CUL9: variants seen among roughly 807,000 people sequenced by gnomAD.
CUL9 encodes the protein cullin 9, also known as cullin-9.
Under a neutral mutation model 272.6 loss-of-function variants are expected in CUL9, and 79 were observed. The observed-to-expected ratio is 0.29, with a 90% CI of 0.24 to 0.35. The LOEUF is 0.35. CUL9 is among the 10% of genes least tolerant of loss of function. CUL9 has a pLI of 1.00. For synonymous variants in CUL9, 1,186 were observed against 1,286.5 expected (o/e 0.92, Z 1.67); for missense variants, 2,532 against 3,255.6 (o/e 0.78, Z 5.41).
At chr6:43,222,478 G>A in intron 36 of CUL9, 53 bp from the exon 37 acceptor site, 2 of 1,598,562 alleles carry the variant, frequency 1.3e-6, no homozygotes, top group Non-Finnish European at 1.7e-6. Context: ...GTCTGACCGG[G>A]CAGGTGGTGC....
rs916290521 is a variant in CUL9 at position 43,182,212 on chromosome 6, C to A, written c.-47C>A. On this transcript the variant is annotated 5_prime_UTR_variant, in exon 1 of 41. Coordinates refer to ENST00000252050, the MANE Select transcript of CUL9 (RefSeq NM_015089.4). Reference sequence around the variant, plus strand: ...GCGGGGCCAGGACGGCGGGACCGGCCGCTGGGTCCCAGCGAGGGCTGAGCC... The same window carrying A: ...GCGGGGCCAGGACGGCGGGACCGGCAGCTGGGTCCCAGCGAGGGCTGAGCC... The A allele has an allele frequency of 6.6e-6, 1 of 152,384 alleles. No individual in the cohort carries two copies. Among genetic ancestry groups the A allele is most frequent in the Non-Finnish European group, 1.5e-5 (1 of 68,190 alleles). 9.4% of individuals were successfully genotyped at this position (152,384 alleles called of 1,614,324 possible).
intron 16 of CUL9, among the ~76,000 whole-genome samples, chr6:43,202,118 G>A (rs985744557): frequency 6.6e-6 from 1 of 152,202 alleles, no homozygotes; most frequent in African/African-American, 2.4e-5. Flanking sequence ...TTGGGTGAGG[G>A]AAGCCATGAG....
In CUL9 at chr6:43,186,505, G is replaced by A. The variant is rs781363516; in HGVS notation, c.1251+50G>A. On this transcript the variant is annotated intron_variant, in intron 4 of 40. Coordinates refer to ENST00000252050, the MANE Select transcript of CUL9 (RefSeq NM_015089.4). ...ACTGTTGGGAGTTTATTTGGGGTGG[G>A]GTGTAGCTGGGACTTCATAAGGAGG... 1.9e-6 allele frequency: 3 copies of A among 1,542,180 alleles called. No individual in the cohort carries two copies. In the South Asian group the frequency reaches 3.7e-5, roughly 19 times the overall value.
At chr6:43,207,510 G>A in intron 26 of CUL9, among the ~76,000 whole-genome samples, 1 of 152,184 alleles carries the variant, frequency 6.6e-6, no homozygotes, top group South Asian at 2.1e-4. Context: ...TTGTATGGAT[G>A]TATTTACCCT....
chr6:43,203,741 G>A lies in CUL9; in HGVS notation c.4026-113G>A. 1 of 1,518,032 alleles carries A rather than the reference G, an allele frequency of 6.6e-7. No individual in the cohort carries two copies. Among genetic ancestry groups the A allele is most frequent in the Non-Finnish European group, 8.9e-7 (1 of 1,127,514 alleles). The allele number at this position is 1,518,032 out of a possible 1,614,324, so 94.0% of individuals were successfully genotyped here. ...TAGGTGAGAAGTTTGTGTTAATTGG[G>A]AAAAGTTGGGTCAGGGACCGAACAG... On this transcript the variant is annotated intron_variant, in intron 19 of 40. Transcript: ENST00000252050. This position sits in a 1 kb window ranked among gnomAD's most constrained non-coding sequence, Gnocchi z 5.0.
At chr6:43,214,582 C>A (rs1293515325) in intron 29 of CUL9, among the ~76,000 whole-genome samples, 1 of 152,050 alleles carries the variant, frequency 6.6e-6, no homozygotes, top group Non-Finnish European at 1.5e-5. Flanking sequence ...GGGTGGATCA[C>A]TTGAGGTCAG....
intron 2 of CUL9, 129 bp from the exon 3 acceptor site, chr6:43,185,327 A>G: frequency 3.4e-6 from 3 of 888,368 alleles, no homozygotes; most frequent in Non-Finnish European, 5.1e-6. Flanking sequence ...TACCATGTAA[A>G]ATGTATTTCT....
chr6:43,220,570 A>G lies in CUL9; in HGVS notation c.6394A>G (p.Ile2132Val), dbSNP rs1776273014. Residue 2132 changes from isoleucine to valine, a missense_variant, in exon 32 of 41, where the codon ATC becomes GTC. Coordinates refer to ENST00000252050, the MANE Select transcript of CUL9 (RefSeq NM_015089.4). This position sits in a 1 kb window ranked among gnomAD's most constrained non-coding sequence, Gnocchi z 4.9. Reference protein sequence around the residue: ...AQPTGAFIRAIVSSPEVISKY... With the variant: ...AQPTGAFIRAVVSSPEVISKY... The stretch of plus-strand genomic sequence containing the variant: ...GCCCACCGGAGCCTTCATTCGTGCC[A>G]TCGTCTCCTCGCCAGAGGTCATCTC... 8 of 1,614,058 alleles carry G rather than the reference A, an allele frequency of 5.0e-6. No homozygotes were observed. In the African/African-American group the frequency reaches 9.3e-5, roughly 19 times the overall value.
chr6:43,191,493 T>A (rs1332746909), intron 8 of CUL9, among the ~76,000 whole-genome samples: 1 of 147,634 alleles, frequency 6.8e-6, no homozygotes, highest in Non-Finnish European at 1.5e-5. Flanking sequence ...TTTTTTTTTT[T>A]TTTTTTTTTT....
In CUL9 at chr6:43,184,614, C is replaced by G. The variant is rs771340672; in HGVS notation, c.304C>G (p.Arg102Gly). ...AGCTGGGGTTTCAGGAAGCTTTCCT[C>G]GAGATCCAGGAGGCCTGGATGAAGT... is the stretch of plus-strand genomic sequence containing the variant. ...EPAGVSGSFPRDPGGLDEVAM... is the reference protein window; with the variant it reads ...EPAGVSGSFPGDPGGLDEVAM... The change falls in exon 2 of 41, where the codon CGA becomes GGA. Residue 102 changes from arginine to glycine, a missense_variant. Transcript: ENST00000252050. This position sits in a 1 kb window ranked among gnomAD's most constrained non-coding sequence, Gnocchi z 4.8. 2 of 1,612,324 alleles carry G rather than the reference C, an allele frequency of 1.2e-6. No homozygotes were observed. Among genetic ancestry groups the G allele is most frequent in the South Asian group, 1.1e-5 (1 of 90,994 alleles).
chr6:43,187,355 G>T lies in CUL9; in HGVS notation c.1497G>T (p.Trp499Cys). ...ERVGYLTQAE[W>C]WELLFFIKKL... ...TGGGATATCTGACCCAGGCTGAATGGTGGGAGCTGCTTTTCTTTATCAAAA... is the reference window on the plus strand; with the variant it reads ...TGGGATATCTGACCCAGGCTGAATGTTGGGAGCTGCTTTTCTTTATCAAAA... Residue 499 changes from tryptophan to cysteine, a missense_variant, in exon 6 of 41, where the codon TGG (tryptophan) becomes TGT (cysteine). Around this residue, in one of 3 missense-constraint regions of CUL9, gnomAD observed 2,218 missense variants for 2,788.6 expected, o/e 0.80. Coordinates refer to ENST00000252050, the MANE Select transcript of CUL9 (RefSeq NM_015089.4). 6.2e-7 allele frequency: 1 copy of T among 1,614,134 alleles called. No individual in the cohort carries two copies. Among genetic ancestry groups the T allele is most frequent in the Non-Finnish European group, 8.5e-7 (1 of 1,179,994 alleles).
At chr6:43,201,053 A>G (rs1191369653) in intron 16 of CUL9, among the ~76,000 whole-genome samples, 2 of 152,226 alleles carry the variant, frequency 1.3e-5, no homozygotes, top group Non-Finnish European at 2.9e-5. Flanking sequence ...TACAGATGGC[A>G]CTGCCCTGTG....
At chr6:43,197,309 G>A (rs1774087946) in intron 11 of CUL9, among the ~76,000 whole-genome samples, 1 of 151,878 alleles carries the variant, frequency 6.6e-6, no homozygotes, top group Non-Finnish European at 1.5e-5. Context: ...GCCTCCCAAA[G>A]TGCTGGGATT....
chr6:43,186,958 A>G lies in CUL9; in HGVS notation c.1252-2A>G. On this transcript the variant is annotated splice_acceptor_variant, in intron 4 of 40. Transcript: ENST00000252050. LOFTEE classifies it high-confidence loss of function. The stretch of plus-strand genomic sequence containing the variant: ...GCTCTCTTTCTTCCTCCCTCATACC[A>G]GGTTTTCTGGCAGTCGACAGGCCGC... 6.2e-7 allele frequency: 1 copy of G among 1,613,798 alleles called. No individual in the cohort carries two copies.
chr6:43,185,650 T>C, intron 3 of CUL9, 40 bp downstream of exon 3: 1 of 1,582,090 alleles, frequency 6.3e-7, no homozygotes, highest in Non-Finnish European at 8.6e-7. Flanking sequence ...GTACAAGGGC[T>C]AAGACATTAT....
chr6:43,192,964 T>G (rs778681634), intron 8 of CUL9, 37 bp from the exon 9 acceptor site: 1 of 1,601,234 alleles, frequency 6.2e-7, no homozygotes, highest in Non-Finnish European at 8.6e-7. Context: ...GCAAGACTCC[T>G]TGGGATGGGG....
rs1001121673 is a variant in CUL9, at chr6:43,182,606, C to T, written c.-10+357C>T. ...CTCCTCCTATCCGATTCTTTTACTT[C>T]CCCCTGCTGCTAATCAGTTGCCCGC... On this transcript the variant is annotated intron_variant, in intron 1 of 40. Transcript: ENST00000252050. 7.3e-5 allele frequency among the ~76,000 whole-genome samples: 11 copies of T among 151,558 alleles called. No homozygotes were observed. In the South Asian group the frequency reaches 8.3e-4, roughly 11 times the overall value.
At chr6:43,190,172 C>G (rs184198066) in intron 8 of CUL9, among the ~76,000 whole-genome samples, 8 of 152,278 alleles carry the variant, frequency 5.3e-5, no homozygotes, top group Admixed American at 4.6e-4. Context: ...TTCCTTACGT[C>G]TGCCAACACT....
Position 43,200,877 on chromosome 6 carries a change from A to T in CUL9, c.3647+43A>T. 6.2e-7 allele frequency: 1 copy of T among 1,608,938 alleles called. No individual in the cohort carries two copies. The highest frequency in any genetic ancestry group is 8.5e-7 in the Non-Finnish European group (1 of 1,175,840). On this transcript the variant is annotated intron_variant, in intron 16 of 40. Transcript: ENST00000252050. This position sits in a 1 kb window ranked among gnomAD's most constrained non-coding sequence, Gnocchi z 4.0. ...TGAATGTTCTGCTGTGCCCCAGGAT[A>T]CTTCCCCAAAGCACCCAGATACACA...
Sources: gnomAD v4.1 joint callset for allele counts (sites outside exome capture counted in the v4.1 genomes callset) on GRCh38, gnomAD v4.1.1 for gene constraint, gnomAD v4.1.1 regional missense constraint, Gnocchi (gnomAD v3.1) non-coding constraint, MANE v1.5 for transcripts, NCBI Gene and HGNC (gene_info 2026-07-23, HGNC 2026-07-21) for gene names.